Variants in MAP4K5 observed in about 807,000 individuals in gnomAD.
The protein encoded by MAP4K5 is MAPK/ERK kinase kinase kinase 5.
In MAP4K5, 82 loss-of-function variants were observed where a neutral mutation model predicts 135.6. The observed-to-expected ratio is 0.60, with a 90% CI of 0.51 to 0.73. MAP4K5 has a LOEUF of 0.73. MAP4K5 is among the 30% of genes least tolerant of loss of function. The pLI, the probability that MAP4K5 is intolerant of heterozygous loss-of-function variation, is 0.00. For missense variants in MAP4K5, 907 were observed against 1,010.9 expected (o/e 0.90, Z 1.39); for synonymous variants, 347 against 335.0 (o/e 1.04, Z -0.39).
chr14:50,527,104 G>T (rs921543626), intron 2 of MAP4K5, among the ~76,000 whole-genome samples: 5 of 152,192 alleles, frequency 3.3e-5, no homozygotes, highest in Non-Finnish European at 7.3e-5. Flanking sequence ...ACTTTGGGAG[G>T]CCAAGGTGGG....
chr14:50,533,787 A>T (rs2038455515), upstream of MAP4K5, among the ~76,000 whole-genome samples: 1 of 152,056 alleles, frequency 6.6e-6, no homozygotes, highest in Non-Finnish European at 1.5e-5. Context: ...TATAATGTAT[A>T]ATAAGGAGTA....
intron 11 of MAP4K5, among the ~76,000 whole-genome samples, chr14:50,464,452 T>A (rs1566658128): frequency 1.3e-5 from 2 of 152,186 alleles, no homozygotes; most frequent in Non-Finnish European, 2.9e-5. Flanking sequence ...ATTGCATAAT[T>A]TACCTAGTAT....
At chr14:50,434,903 G>C in intron 27 of MAP4K5, 59 bp downstream of exon 27, 1 of 989,622 alleles carries the variant, frequency 1.0e-6, no homozygotes, top group Non-Finnish European at 1.5e-6. Flanking sequence ...GCTAATTTTA[G>C]CTTCAGTTAT....
In MAP4K5 at chr14:50,550,746, A is replaced by G. The variant is rs190117265; in HGVS notation, c.-179-8162T>C. Among the ~76,000 whole-genome samples, 415 of 152,368 alleles carry G rather than the reference A, an allele frequency of 2.7e-3. 3 individuals carry two copies. Among genetic ancestry groups the G allele is most frequent in the African/African-American group, 9.2e-3 (383 of 41,578 alleles). On this transcript the variant is annotated intron_variant, in intron 1 of 8. Coordinates refer to the MAP4K5 transcript ENST00000555216. ...AAACTGGAAAATAGCTCCAAAAGGAATCCTCAAAACTATACAAATACATAG... is the reference window on the plus strand; with the variant it reads ...AAACTGGAAAATAGCTCCAAAAGGAGTCCTCAAAACTATACAAATACATAG...
intron 28 of MAP4K5, 80 bp downstream of exon 28, chr14:50,434,314 T>C (rs2036040335): frequency 9.2e-7 from 1 of 1,090,214 alleles, no homozygotes; most frequent in Non-Finnish European, 1.3e-6. Flanking sequence ...CACTGGTGTT[T>C]TGCTTCTTTT....
At chr14:50,523,068 T>C (rs1383327619) in intron 2 of MAP4K5, among the ~76,000 whole-genome samples, 2 of 152,176 alleles carry the variant, frequency 1.3e-5, no homozygotes, top group African/African-American at 4.8e-5. Flanking sequence ...TCCCAGCACT[T>C]TGGGAGGCTG....
At chr14:50,526,356 G>C (rs2038264764) in intron 2 of MAP4K5, among the ~76,000 whole-genome samples, 1 of 152,116 alleles carries the variant, frequency 6.6e-6, no homozygotes, top group Non-Finnish European at 1.5e-5. Context: ...CTGGAGTGAA[G>C]TGGCGCAATC....
intron 18 of MAP4K5, 25 bp from the exon 19 acceptor site, chr14:50,444,061 G>T (rs1209376164): frequency 2.7e-6 from 4 of 1,477,486 alleles, no homozygotes; most frequent in African/African-American, 1.4e-5. Context: ...GTTAAAAGTT[G>T]AATGACCACA....
rs375924879 is a variant in MAP4K5, at chr14:50,532,071, C to G, written c.-22G>C. ...CCATCTTCACTTAGGGCCCGGCCCC[C>G]GCCAGCTCACCCCGCGGCTCCCGGA... is the stretch of plus-strand genomic sequence containing the variant. On this transcript the variant is annotated 5_prime_UTR_variant, in exon 2 of 33. Coordinates refer to ENST00000682126, the MANE Select transcript of MAP4K5 (RefSeq NM_006575.6). 10 of 1,440,904 alleles carry G rather than the reference C, an allele frequency of 6.9e-6. No individual in the cohort carries two copies. In the South Asian group the frequency reaches 1.2e-4, roughly 18 times the overall value. 89.3% of individuals were successfully genotyped at this position (1,440,904 alleles called of 1,614,324 possible). A position where few individuals can be genotyped will look rare whatever the true frequency, so the allele number is the denominator to read the frequency against.
In MAP4K5 at chr14:50,514,661, C is replaced by T. The variant is rs372353864; in HGVS notation, c.109-9804G>A. ...GGAGAAAGTAAATTTAAACTGAGAC[C>T]TAATAGAAGACTTTCCTGGGAGGAG... On this transcript the variant is annotated intron_variant, in intron 2 of 32. Coordinates refer to ENST00000682126, the MANE Select transcript of MAP4K5 (RefSeq NM_006575.6). 3.9e-5 allele frequency among the ~76,000 whole-genome samples: 6 copies of T among 152,140 alleles called. No individual in the cohort carries two copies. The East Asian group carries it at 9.7e-4, about 25-fold the overall frequency.
intron 9 of MAP4K5, among the ~76,000 whole-genome samples, chr14:50,473,988 T>C (rs1229271566): frequency 6.6e-6 from 1 of 152,182 alleles, no homozygotes; most frequent in Non-Finnish European, 1.5e-5. Flanking sequence ...CCTCTCAAAG[T>C]GCTGGGATTA....
At chr14:50,527,980 C>A (rs889764014) in intron 2 of MAP4K5, among the ~76,000 whole-genome samples, 1 of 152,072 alleles carries the variant, frequency 6.6e-6, no homozygotes, top group Non-Finnish European at 1.5e-5. Context: ...TATCATGATG[C>A]TGTAGTTGTT....
chr14:50,477,097 T>TTG (rs1294332947), intron 6 of MAP4K5, among the ~76,000 whole-genome samples: 2 of 152,222 alleles, frequency 1.3e-5, no homozygotes, highest in African/African-American at 4.8e-5. Context: ...TCAACAGTAT[T>TTG]GAGTCTTCTG....
At chr14:50,502,446 GAGGGAAAAAGGAAGCCATTCCCAAT>G (rs1473055205) in intron 3 of MAP4K5, among the ~76,000 whole-genome samples, 1 of 152,080 alleles carries the variant, frequency 6.6e-6, no homozygotes, top group Admixed American at 6.6e-5. Flanking sequence ...GACAGTGTAA[GAGGGAAAAAGGAAGCCATTCCCAAT>G]AGCGAGAAAT....
At chr14:50,490,065 A>C (rs1299130261) in intron 3 of MAP4K5, among the ~76,000 whole-genome samples, 2 of 150,780 alleles carry the variant, frequency 1.3e-5, no homozygotes, top group Non-Finnish European at 1.5e-5. Context: ...CTCCTCAAGT[A>C]TGCATGGGTG....
At position 50,440,021 on chromosome 14, in the gene MAP4K5, G is replaced by T; in HGVS notation, c.1697C>A (p.Ser566Ter). 1 of 1,548,354 alleles carries T rather than the reference G, an allele frequency of 6.5e-7. No individual in the cohort carries two copies. Among genetic ancestry groups the T allele is most frequent in the Admixed American group, 1.9e-5 (1 of 52,994 alleles). ...CATCATCACATACATACCTGATAAT[G>T]ACATTAAAGTATTATTGATAACATA... ...WLYVINNTLM[S>*]LSEGKTFQLY... The change falls in exon 23 of 33, where the codon TCA becomes TAA. Residue 566 changes from serine to a stop codon, truncating the protein, a stop_gained. Coordinates refer to ENST00000682126, the MANE Select transcript of MAP4K5 (RefSeq NM_006575.6). LOFTEE classifies it high-confidence loss of function.
chr14:50,545,973 T>G (rs1210966647), intron 1 of MAP4K5, among the ~76,000 whole-genome samples: 1 of 152,248 alleles, frequency 6.6e-6, no homozygotes, highest in Non-Finnish European at 1.5e-5. Context: ...TCTTTTCTTT[T>G]CTGCCTGCTT....
intron 12 of MAP4K5, among the ~76,000 whole-genome samples, chr14:50,463,701 C>T (rs1444530641): frequency 4.0e-5 from 6 of 151,632 alleles, no homozygotes; most frequent in East Asian, 1.9e-4. Context: ...TTGGCCAACA[C>T]GGTGAAACCC....
intron 18 of MAP4K5, among the ~76,000 whole-genome samples, chr14:50,444,287 G>A (rs543725853): frequency 6.6e-6 from 1 of 152,112 alleles, no homozygotes; most frequent in South Asian, 2.1e-4. Flanking sequence ...TACTGACTCT[G>A]ATATGCAAGG....
Sources: allele counts gnomAD v4.1 joint callset (sites outside exome capture counted in the v4.1 genomes callset), GRCh38; gene constraint gnomAD v4.1.1; transcripts MANE v1.5; gene names NCBI Gene and HGNC (gene_info 2026-07-23, HGNC 2026-07-21).